The following NBN variants were observed in gnomAD, a reference collection of about 807,000 sequenced individuals.
NBN encodes Nijmegen breakage syndrome 1 (nibrin).
NBN carries 88 observed loss-of-function variants against 90.8 expected under a neutral mutation model. The ratio of observed to expected loss-of-function variants is 0.97; its 90% CI spans 0.82 to 1.16. The LOEUF (loss-of-function observed/expected upper bound fraction) is 1.16. NBN is among the 50% of genes most tolerant of loss of function. The pLI is 0.00. For synonymous variants in NBN, 328 were observed against 295.1 expected (o/e 1.11, Z -1.14); for missense variants, 894 against 869.6 (o/e 1.03, Z -0.35).
intron 14 of NBN, 75 bp from the exon 15 acceptor site, chr8:89,937,150 T>C (rs1809730706): frequency 7.2e-7 from 1 of 1,383,916 alleles, no homozygotes; most frequent in Non-Finnish European, 1.0e-6. Flanking sequence ...TAGTGATAGG[T>C]CACTGTCATC....
chr8:89,962,137 A>T (rs1811017731), intron 8 of NBN, among the ~76,000 whole-genome samples: 1 of 152,198 alleles, frequency 6.6e-6, no homozygotes, highest in Non-Finnish European at 1.5e-5. Flanking sequence ...TTTGTATAGG[A>T]AACAGGAGCT....
At chr8:89,976,566 A>T (rs1011850007) in intron 5 of NBN, among the ~76,000 whole-genome samples, 6 of 152,176 alleles carry the variant, frequency 3.9e-5, no homozygotes, top group Non-Finnish European at 8.8e-5. Flanking sequence ...AGCCTTTGCC[A>T]TTATATCTAT....
At chr8:89,944,721 G>A (rs1445286903) in intron 13 of NBN, among the ~76,000 whole-genome samples, 1 of 152,088 alleles carries the variant, frequency 6.6e-6, no homozygotes, top group Non-Finnish European at 1.5e-5. Context: ...GGGACTACAG[G>A]CAGACATCAC....
rs779343757 is a variant in NBN, at chr8:89,984,580, C to A, written c.-19G>T. 2 of 1,612,490 alleles carry A rather than the reference C, an allele frequency of 1.2e-6. No individual in the cohort carries two copies. The highest frequency in any genetic ancestry group is 1.7e-5 in the Admixed American group (1 of 59,972). ...TCCACATCGGTCCGGCTCCTCAGGG[C>A]TGGGGCCGACGTGCAACCGCGTAAC... On this transcript the variant is annotated 5_prime_UTR_variant, in exon 1 of 16. Coordinates refer to ENST00000265433, the MANE Select transcript of NBN (RefSeq NM_002485.5).
intron 13 of NBN, 27 bp downstream of exon 13, chr8:89,946,113 C>T (rs940203496): frequency 6.7e-7 from 1 of 1,503,636 alleles, no homozygotes; most frequent in Non-Finnish European, 9.2e-7. Flanking sequence ...AAACACTGAC[C>T]TCTTGTGATA....
chr8:89,955,192 C>A, intron 10 of NBN, 91 bp downstream of exon 10: 1 of 1,288,012 alleles, frequency 7.8e-7, no homozygotes, highest in Non-Finnish European at 1.1e-6. Context: ...CATACTTAAT[C>A]AGAACAGACT....
Position 89,937,034 on chromosome 8 carries a change from A to T in NBN, c.2226T>A (p.Asp742Glu), listed in dbSNP as rs767523514. 3.1e-6 allele frequency: 5 copies of T among 1,610,586 alleles called. No individual in the cohort carries two copies. The African/African-American group carries it at 6.7e-5, about 22-fold the overall frequency. Residue 742 changes from aspartate (D) to glutamate (E), a missense_variant, in exon 15 of 16, where the codon GAT becomes GAA. Physicochemically the swap from Asp to Glu is conservative, Grantham distance 45. Coordinates refer to ENST00000265433, the MANE Select transcript of NBN (RefSeq NM_002485.5). The part of the protein sequence containing the change: ...QHAKEESLAD[D>E]LFRYNPYLKR... ...GGTGAATCAAACTTTACCTAAAAAG[A>T]TCATCAGCAAGAGACTCTTCTTTTG...
intron 3 of NBN, 100 bp from the exon 4 acceptor site, chr8:89,980,993 T>C (rs1812039892): frequency 3.0e-6 from 3 of 1,016,606 alleles, no homozygotes; most frequent in South Asian, 1.4e-5. Context: ...TATACTGTTA[T>C]TGTAACTTTT....
At chr8:89,958,363 G>A (rs769473763) in intron 9 of NBN, among the ~76,000 whole-genome samples, 14 of 152,194 alleles carry the variant, frequency 9.2e-5, no homozygotes, top group Non-Finnish European at 1.3e-4. Context: ...CACACTGTTC[G>A]ATGTTCACAC....
At chr8:89,939,938 A>G (rs376698682) in intron 14 of NBN, among the ~76,000 whole-genome samples, 1 of 152,198 alleles carries the variant, frequency 6.6e-6, no homozygotes, top group South Asian at 2.1e-4. Flanking sequence ...AGCTGCACAC[A>G]GCTCCAGCTG....
chr8:89,957,203 T>C (rs1810761729), intron 9 of NBN, among the ~76,000 whole-genome samples: 2 of 152,210 alleles, frequency 1.3e-5, no homozygotes, highest in South Asian at 4.1e-4. Flanking sequence ...TGTGTGTTAG[T>C]GCCCCAGAAG....
intron 11 of NBN, among the ~76,000 whole-genome samples, chr8:89,951,413 G>A (rs1037680611): frequency 2.0e-5 from 3 of 151,794 alleles, no homozygotes; most frequent in Non-Finnish European, 4.4e-5. Flanking sequence ...CACAGCAAGG[G>A]AAATGTATTT....
chr8:89,935,421 T>C lies in NBN; in HGVS notation c.*161A>G, dbSNP rs1775410056. ...GAAAACAGAACAAACAATTGTTACA[T>C]ACAAAAGAATCAAAGTTTTGTGCAT... On this transcript the variant is annotated 3_prime_UTR_variant, in exon 16 of 16. Transcript: ENST00000265433. 1 of 793,356 alleles carries C rather than the reference T, an allele frequency of 1.3e-6. No homozygotes were observed. Among genetic ancestry groups the C allele is most frequent in the African/African-American group, 1.7e-5 (1 of 57,684 alleles). The allele number at this position is 793,356 out of a possible 1,614,324, so 49.1% of individuals were successfully genotyped here. A position where few individuals can be genotyped will look rare whatever the true frequency, so the allele number is the denominator to read the frequency against.
At chr8:89,971,436 C>A in intron 5 of NBN, 146 bp from the exon 6 acceptor site, 1 of 951,578 alleles carries the variant, frequency 1.1e-6, no homozygotes, top group Non-Finnish European at 1.4e-6. Flanking sequence ...TTATCTGGGA[C>A]AAAATGACAA....
chr8:89,946,846 T>G (rs1286031948), intron 12 of NBN, among the ~76,000 whole-genome samples: 1 of 152,176 alleles, frequency 6.6e-6, no homozygotes, highest in African/African-American at 2.4e-5. Context: ...TTAATAGCTG[T>G]TAAATTTGCC....
At chr8:89,974,966 T>C (rs1356652376) in intron 5 of NBN, among the ~76,000 whole-genome samples, 1 of 152,160 alleles carries the variant, frequency 6.6e-6, no homozygotes, top group African/African-American at 2.4e-5. Flanking sequence ...ATGAGAGACT[T>C]TGTAAAACTC....
chr8:89,955,663 AT>A, intron 9 of NBN, 108 bp from the exon 10 acceptor site: 2 of 1,249,360 alleles, frequency 1.6e-6, no homozygotes, highest in Admixed American at 2.5e-5. Flanking sequence ...TTAGAAGATA[AT>A]TTTTAGACAA....
At chr8:89,967,189 G>C (rs994204828) in intron 7 of NBN, among the ~76,000 whole-genome samples, 1 of 152,160 alleles carries the variant, frequency 6.6e-6, no homozygotes, top group Admixed American at 6.5e-5. Flanking sequence ...GTGCACATTA[G>C]GTGAACTGGT....
intron 9 of NBN, among the ~76,000 whole-genome samples, chr8:89,956,957 T>C (rs1810742314): frequency 6.6e-6 from 1 of 152,228 alleles, no homozygotes; most frequent in Admixed American, 6.5e-5. Flanking sequence ...AACAAACCTA[T>C]GCTGCCAATT....
Sources: allele counts gnomAD v4.1 joint callset (sites outside exome capture counted in the v4.1 genomes callset), GRCh38; gene constraint gnomAD v4.1.1; transcripts MANE v1.5; gene names NCBI Gene and HGNC (gene_info 2026-07-23, HGNC 2026-07-21).